Variants in SRGN observed in about 807,000 individuals in gnomAD.
SRGN encodes the protein hematopoetic proteoglycan core peptide.
A neutral mutation model predicts 9.5 loss-of-function variants in SRGN; 2 were observed. The ratio of observed to expected loss-of-function variants is 0.21; its 90% CI spans 0.09 to 0.66. The LOEUF is 0.66. Ranked by LOEUF, SRGN falls within the 30% of genes least tolerant of loss-of-function variation. The pLI is 0.83. For missense variants in SRGN, 170 were observed against 192.4 expected (o/e 0.88, Z 0.69); for synonymous variants, 59 against 72.3 (o/e 0.82, Z 0.93).
At chr10:69,095,294 C>T (rs965127126) in intron 1 of SRGN, among the ~76,000 whole-genome samples, 12 of 137,118 alleles carry the variant, frequency 8.8e-5, no homozygotes, top group Admixed American at 1.6e-4. Flanking sequence ...GGCAACAGAG[C>T]GAGACTTCAT....
chr10:69,101,154 G>T (rs532623553), intron 2 of SRGN, among the ~76,000 whole-genome samples: 1 of 151,818 alleles, frequency 6.6e-6, no homozygotes, highest in Non-Finnish European at 1.5e-5. Context: ...TGGTAGAGAC[G>T]GGGTTTTGCC....
intron 2 of SRGN, among the ~76,000 whole-genome samples, chr10:69,101,741 T>C (rs1840297020): frequency 1.3e-5 from 2 of 152,176 alleles, no homozygotes; most frequent in Non-Finnish European, 2.9e-5. Context: ...TATTTTCAGC[T>C]TACTTGATCC....
intron 1 of SRGN, among the ~76,000 whole-genome samples, chr10:69,091,617 G>A (rs182496381): frequency 8.5e-5 from 13 of 152,106 alleles, no homozygotes; most frequent in Middle Eastern, 6.8e-3. Flanking sequence ...AGTGGCTCAC[G>A]TCTGTAGTCT....
intron 1 of SRGN, among the ~76,000 whole-genome samples, chr10:69,089,111 A>G (rs1423401917): frequency 1.3e-5 from 2 of 152,218 alleles, no homozygotes; most frequent in African/African-American, 4.8e-5. Context: ...ACAATGACAC[A>G]CATGTCCTAG....
rs186270475 is a variant in SRGN, at chr10:69,094,237, G to C, written c.80-2847G>C. On this transcript the variant is annotated intron_variant, in intron 1 of 2. Coordinates refer to ENST00000242465, the MANE Select transcript of SRGN (RefSeq NM_002727.4). The stretch of plus-strand genomic sequence containing the variant: ...CAGCCTCCAGGCAGTGGCAGAGTTA[G>C]CTCATTTTGGACAAACAGCTCTCCC... Among the ~76,000 whole-genome samples the C allele has an allele frequency of 7.2e-5, 11 of 152,290 alleles. No homozygotes were observed. The East Asian group carries it at 2.1e-3, about 29-fold the overall frequency.
intron 2 of SRGN, among the ~76,000 whole-genome samples, chr10:69,099,195 T>G (rs1485569846): frequency 6.6e-6 from 1 of 152,150 alleles, no homozygotes; most frequent in Non-Finnish European, 1.5e-5. Context: ...CATAAAAGTT[T>G]TAATCTCCAG....
chr10:69,102,058 A>T (rs2132161434), intron 2 of SRGN, among the ~76,000 whole-genome samples: 1 of 152,128 alleles, frequency 6.6e-6, no homozygotes. Context: ...GTAAAAAAAA[A>T]AATGGTTGAC....
chr10:69,093,414 G>A (rs1840106359), intron 1 of SRGN, among the ~76,000 whole-genome samples: 1 of 152,084 alleles, frequency 6.6e-6, no homozygotes, highest in South Asian at 2.1e-4. Context: ...CTCCCTATGT[G>A]GTTTGCTTTG....
intron 2 of SRGN, among the ~76,000 whole-genome samples, chr10:69,097,612 A>T (rs970709992): frequency 6.6e-6 from 1 of 152,042 alleles, no homozygotes; most frequent in African/African-American, 2.4e-5. Context: ...TATTTTTAGT[A>T]GAGACGGGGT....
rs571184277 is a variant in SRGN at position 69,089,432 on chromosome 10, C to T, written c.79+1196C>T. Among the ~76,000 whole-genome samples the T allele has an allele frequency of 3.3e-5, 5 of 152,232 alleles. No homozygotes were observed. In the East Asian group the frequency reaches 9.6e-4, roughly 29 times the overall value. On this transcript the variant is annotated intron_variant, in intron 1 of 2. Coordinates refer to ENST00000242465, the MANE Select transcript of SRGN (RefSeq NM_002727.4). ...TGACAAGATCGAGAGTAATGAGGCC[C>T]ATACTTTAGTACAGTCTTGAATGGC...
intron 2 of SRGN, among the ~76,000 whole-genome samples, chr10:69,100,781 G>A (rs957290865): frequency 6.6e-6 from 1 of 152,076 alleles, no homozygotes; most frequent in Non-Finnish European, 1.5e-5. Flanking sequence ...GCAAGGACGG[G>A]AGACTGAGAG....
chr10:69,099,186 A>G (rs577223907), intron 2 of SRGN, among the ~76,000 whole-genome samples: 64 of 152,328 alleles, frequency 4.2e-4, no homozygotes, highest in Non-Finnish European at 8.5e-4. Context: ...AAGGATTATC[A>G]TAAAAGTTTT....
chr10:69,103,838 TG>T (rs771549974), intron 2 of SRGN, 32 bp from the exon 3 acceptor site: 2 of 1,607,042 alleles, frequency 1.2e-6, no homozygotes, highest in East Asian at 2.2e-5. Context: ...CAAACTCCAC[TG>T]GTTTTTTTCC....
intron 2 of SRGN, among the ~76,000 whole-genome samples, chr10:69,101,552 G>T (rs1234323253): frequency 2.6e-5 from 4 of 151,922 alleles, no homozygotes; most frequent in African/African-American, 9.7e-5. Flanking sequence ...CCTATGTTTA[G>T]GCAACATCTC....
intron 1 of SRGN, among the ~76,000 whole-genome samples, chr10:69,095,929 T>TA (rs1554850316): frequency 6.6e-6 from 1 of 151,654 alleles, no homozygotes; most frequent in South Asian, 2.1e-4. Context: ...TAAAATAAAA[T>TA]AAATACATAA....
intron 1 of SRGN, among the ~76,000 whole-genome samples, chr10:69,092,723 G>A (rs1306654826): frequency 6.6e-6 from 1 of 151,714 alleles, no homozygotes; most frequent in Non-Finnish European, 1.5e-5. Context: ...GAACCTGGGA[G>A]GTGGAGGTTG....
rs1188749602 is a variant in SRGN at position 69,091,925 on chromosome 10, G to GAA, written c.79+3698_79+3699dup. Among the ~76,000 whole-genome samples, 86 of 71,446 alleles carry GAA rather than the reference G, an allele frequency of 1.2e-3. 1 individual carries two copies. In the East Asian group the frequency reaches 0.029, roughly 24 times the overall value. The allele number at this position is 71,446 out of a possible 152,430, so 46.9% of individuals were successfully genotyped here. On this transcript the variant is annotated intron_variant, in intron 1 of 2. Transcript: ENST00000242465. Reference sequence around the variant, plus strand: ...AAAAAAAAAGAAAAAGAAAAGAAAAGAAAAAAAAAAGAAATTAGTATATTG... The same window carrying GAA: ...AAAAAAAAAGAAAAAGAAAAGAAAAGAAAAAAAAAAAAGAAATTAGTATATTG...
At chr10:69,093,648 C>A (rs1840112231) in intron 1 of SRGN, among the ~76,000 whole-genome samples, 1 of 152,114 alleles carries the variant, frequency 6.6e-6, no homozygotes, top group Non-Finnish European at 1.5e-5. Flanking sequence ...GAGGCCAAGG[C>A]GAGGGGATCA....
chr10:69,092,548 T>C (rs1840085857), intron 1 of SRGN, among the ~76,000 whole-genome samples: 1 of 152,104 alleles, frequency 6.6e-6, no homozygotes, highest in Non-Finnish European at 1.5e-5. Context: ...AATCCCAGCA[T>C]TTTGGGAGGC....
Sources: allele counts gnomAD v4.1 joint callset (sites outside exome capture counted in the v4.1 genomes callset), GRCh38; gene constraint gnomAD v4.1.1; transcripts MANE v1.5; gene names NCBI Gene and HGNC (gene_info 2026-07-23, HGNC 2026-07-21).